The following GLP2R variants were observed in gnomAD, a reference collection of about 807,000 sequenced individuals.
The protein encoded by GLP2R is glucagon like peptide 2 receptor.
Under a neutral mutation model 68.2 loss-of-function variants are expected in GLP2R, and 59 were observed. That is an observed-to-expected ratio of 0.87 (90% CI 0.70 to 1.07). The LOEUF is 1.07. Among genes scored for constraint, GLP2R ranks in the 50% least tolerant of loss-of-function variants. The pLI is 0.00. For synonymous variants in GLP2R, 270 were observed against 265.4 expected, an observed-to-expected ratio of 1.02 and a Z score of -0.17; for missense variants, 548 against 677.4, an observed-to-expected ratio of 0.81 and a Z score of 2.12.
intron 12 of GLP2R, 66 bp from the exon 13 acceptor site, chr17:9,889,304 T>G: frequency 1.8e-6 from 2 of 1,100,230 alleles, no homozygotes; most frequent in Non-Finnish European, 2.7e-6. Flanking sequence ...TCAATTAATA[T>G]TTGCTAAATG....
intron 9 of GLP2R, among the ~76,000 whole-genome samples, chr17:9,868,387 C>T (rs1287334204): frequency 6.6e-6 from 1 of 152,194 alleles, no homozygotes; most frequent in East Asian, 1.9e-4. Flanking sequence ...CTTGTAGGCC[C>T]AGATCTGTGC....
chr17:9,882,448 G>A (rs1201948607), intron 11 of GLP2R, among the ~76,000 whole-genome samples: 10 of 152,228 alleles, frequency 6.6e-5, no homozygotes, highest in Non-Finnish European at 1.5e-5. Flanking sequence ...AGGTTGACTG[G>A]AAGGTTGTGT....
intron 3 of GLP2R, among the ~76,000 whole-genome samples, chr17:9,841,491 C>G (rs1223401787): frequency 6.6e-6 from 1 of 151,966 alleles, no homozygotes; most frequent in Non-Finnish European, 1.5e-5. Flanking sequence ...CAGATGAAGG[C>G]AGGGATGACA....
chr17:9,858,864 C>A (rs1221638698), intron 6 of GLP2R, among the ~76,000 whole-genome samples: 1 of 151,964 alleles, frequency 6.6e-6, no homozygotes, highest in Non-Finnish European at 1.5e-5. Flanking sequence ...TTTTTTCTAC[C>A]CTTTGATCAT....
intron 10 of GLP2R, among the ~76,000 whole-genome samples, chr17:9,871,675 A>C (rs1055725206): frequency 6.6e-6 from 1 of 151,524 alleles, no homozygotes; most frequent in Non-Finnish European, 1.5e-5. Context: ...ATGAAGAGAG[A>C]TAAAGGGTTT....
At chr17:9,835,071 C>G (rs1423688538) in intron 2 of GLP2R, among the ~76,000 whole-genome samples, 1 of 136,648 alleles carries the variant, frequency 7.3e-6, no homozygotes, top group African/African-American at 2.8e-5. Flanking sequence ...ACTCTGTTGC[C>G]AAGCTGGAGT....
intron 1 of GLP2R, 126 bp from the exon 2 acceptor site, chr17:9,833,681 G>T: frequency 1.6e-6 from 1 of 628,178 alleles, no homozygotes; most frequent in South Asian, 2.0e-5. Flanking sequence ...CTGAAGAAAT[G>T]CCATTTCTTT....
Position 9,836,458 on chromosome 17 carries a change from T to A in GLP2R, c.365T>A (p.Leu122Ter). Residue 122 changes from leucine (L) to a stop codon, truncating the protein, a stop_gained, in exon 3 of 13, where the codon TTA (leucine) becomes TAA (stop). Transcript: ENST00000262441. LOFTEE classifies it high-confidence loss of function. ...GNVSVPCPSY[L>*]PWWSEESSGR... ...GTCTCTGTACCCTGCCCTTCATACT[T>A]ACCTTGGTGGAGTGAAGGTAATAAG... is the stretch of plus-strand genomic sequence containing the variant. 6.2e-7 allele frequency: 1 copy of A among 1,600,152 alleles called. No homozygotes were observed. Among genetic ancestry groups the A allele is most frequent in the Non-Finnish European group, 8.6e-7 (1 of 1,167,188 alleles).
rs2067292371 is a variant in GLP2R at position 9,891,734 on chromosome 17, C to A, written c.*2029C>A. ...TTTATTTTTTGGTGTCCAGATTATC[C>A]ATAGCTCAGTCATGAAAATCTATGT... On this transcript the variant is annotated 3_prime_UTR_variant, in exon 13 of 13. Coordinates refer to ENST00000262441, the MANE Select transcript of GLP2R (RefSeq NM_004246.3). The A allele has an allele frequency of 6.6e-6, 1 of 152,146 alleles. No individual in the cohort carries two copies. The highest frequency in any genetic ancestry group is 2.4e-5 in the African/African-American group (1 of 41,428). The allele number at this position is 152,146 out of a possible 1,614,324, so 9.4% of individuals were successfully genotyped here.
chr17:9,842,428 C>T, intron 3 of GLP2R, 67 bp from the exon 4 acceptor site: 8 of 1,606,094 alleles, frequency 5.0e-6, no homozygotes, highest in Admixed American at 1.7e-5. Flanking sequence ...TTCCACAGCT[C>T]TGTGGCATGC....
At chr17:9,837,857 A>G (rs998409537) in intron 3 of GLP2R, among the ~76,000 whole-genome samples, 1 of 152,198 alleles carries the variant, frequency 6.6e-6, no homozygotes, top group African/African-American at 2.4e-5. Context: ...CAAGGTGAGA[A>G]CCAGCTTCTG....
chr17:9,877,089 A>T (rs1369794078), intron 10 of GLP2R, among the ~76,000 whole-genome samples: 1 of 152,254 alleles, frequency 6.6e-6, no homozygotes, highest in African/African-American at 2.4e-5. Flanking sequence ...ATTTGAACTC[A>T]GGCCCAGATA....
rs1005357713 is a variant in GLP2R at position 9,833,911 on chromosome 17, G to A, written c.277+17G>A. 1.3e-6 allele frequency: 2 copies of A among 1,500,462 alleles called. No individual in the cohort carries two copies. The highest frequency in any genetic ancestry group is 1.7e-5 in the Admixed American group (1 of 59,808). The allele number at this position is 1,500,462 out of a possible 1,614,324, so 92.9% of individuals were successfully genotyped here. A position where few individuals can be genotyped will look rare whatever the true frequency, so the allele number is the denominator to read the frequency against. Reference sequence around the variant, plus strand: ...AACCTTCTGGTAAGCATGTGTATTAGTTATCCGTGGCTGTGTAACAAATTG... The same window carrying A: ...AACCTTCTGGTAAGCATGTGTATTAATTATCCGTGGCTGTGTAACAAATTG... On this transcript the variant is annotated intron_variant, in intron 2 of 12. Coordinates refer to ENST00000262441, the MANE Select transcript of GLP2R (RefSeq NM_004246.3).
intron 5 of GLP2R, among the ~76,000 whole-genome samples, chr17:9,856,808 T>C (rs2066937260): frequency 6.6e-6 from 1 of 152,198 alleles, no homozygotes. Flanking sequence ...AAAATCAGGG[T>C]AATAATAATT....
intron 4 of GLP2R, 86 bp from the exon 5 acceptor site, chr17:9,854,409 C>A: frequency 1.2e-6 from 1 of 800,554 alleles, no homozygotes; most frequent in Non-Finnish European, 2.2e-6. Context: ...CATGCCTAGG[C>A]CCTTGGTGGC....
At chr17:9,864,735 C>T (rs1012627232) in intron 9 of GLP2R, among the ~76,000 whole-genome samples, 10 of 152,068 alleles carry the variant, frequency 6.6e-5, no homozygotes, top group African/African-American at 2.4e-4. Context: ...GTTGGTCAGG[C>T]TGGTCTCGAA....
At chr17:9,868,445 A>G (rs2152042905) in intron 9 of GLP2R, among the ~76,000 whole-genome samples, 1 of 152,330 alleles carries the variant, frequency 6.6e-6, no homozygotes, top group South Asian at 2.1e-4. Flanking sequence ...GTCACATCTG[A>G]GAATGCATCT....
intron 11 of GLP2R, among the ~76,000 whole-genome samples, chr17:9,885,452 G>A (rs8077150): frequency 0.27 from 40,480 of 151,632 alleles, 5,748 homozygotes; most frequent in Non-Finnish European, 0.31. Flanking sequence ...GGCTGCAAAC[G>A]TCTGAAGGCC....
At chr17:9,884,827 T>A (rs1344332314) in intron 11 of GLP2R, among the ~76,000 whole-genome samples, 1 of 152,194 alleles carries the variant, frequency 6.6e-6, no homozygotes, top group East Asian at 1.9e-4. Flanking sequence ...TAATTTGGAA[T>A]TTTTGTGTTC....
Sources: allele counts gnomAD v4.1 joint callset (sites outside exome capture counted in the v4.1 genomes callset), GRCh38; gene constraint gnomAD v4.1.1; transcripts MANE v1.5; gene names NCBI Gene and HGNC (gene_info 2026-07-23, HGNC 2026-07-21).